Variants in UFSP2 observed in about 807,000 individuals in gnomAD.
The protein encoded by UFSP2 is UFM1 specific peptidase 2.
In UFSP2, 43 loss-of-function variants were observed where a neutral mutation model predicts 60.2. The ratio of observed to expected loss-of-function variants is 0.71; its 90% CI spans 0.56 to 0.92. The LOEUF (loss-of-function observed/expected upper bound fraction) is 0.92, where lower values mean the gene tolerates loss of function less well. Ranked by LOEUF, UFSP2 falls within the 40% of genes least tolerant of loss-of-function variation. The pLI is 0.00. For missense variants in UFSP2, 520 were observed against 575.0 expected (o/e 0.90, Z 0.98); for synonymous variants, 183 against 195.1 (o/e 0.94, Z 0.52).
chr4:185,407,958 T>A lies in UFSP2; in HGVS notation c.1099A>T (p.Thr367Ser), dbSNP rs747994299. Residue 367 changes from threonine (T) to serine (S), a missense_variant, in exon 9 of 12, where the codon ACG becomes TCG. Physicochemically the swap from Thr to Ser is moderately conservative, Grantham distance 58. Coordinates refer to ENST00000264689, the MANE Select transcript of UFSP2 (RefSeq NM_018359.5). ...TACCTGACAAACAGGATTTTTGACG[T>A]TATACCGATCAATTGGTTTAGTACC... ...QLVLNQLIGI[T>S]SKILFVSQGS... 1 of 1,614,174 alleles carries A rather than the reference T, an allele frequency of 6.2e-7. No homozygotes were observed. Among genetic ancestry groups the A allele is most frequent in the Non-Finnish European group, 8.5e-7 (1 of 1,180,026 alleles).
At chr4:185,408,891 A>T (rs532585551) in intron 7 of UFSP2, among the ~76,000 whole-genome samples, 13 of 150,950 alleles carry the variant, frequency 8.6e-5, no homozygotes, top group Non-Finnish European at 1.5e-4. Flanking sequence ...TCACTACCCC[A>T]CCCCCTGCCT....
chr4:185,418,316 A>C (rs1161882461), intron 4 of UFSP2, 125 bp downstream of exon 4: 9 of 693,390 alleles, frequency 1.3e-5, no homozygotes, highest in Non-Finnish European at 2.1e-5. Flanking sequence ...CAAGTCATTT[A>C]ATCTTTTTGG....
intron 5 of UFSP2, 134 bp downstream of exon 5, chr4:185,415,572 TTTAA>T (rs1580070255): frequency 1.2e-6 from 1 of 863,576 alleles, no homozygotes; most frequent in East Asian, 2.8e-5. Flanking sequence ...CAAATAACCA[TTTAA>T]TTAATAGATG....
In UFSP2 at chr4:185,408,017, G is replaced by T. The variant is rs150505755; in HGVS notation, c.1040C>A (p.Ser347Ter). The T allele has an allele frequency of 1.2e-6, 2 of 1,613,874 alleles. No homozygotes were observed. Among genetic ancestry groups the T allele is most frequent in the Middle Eastern group, 1.6e-4 (1 of 6,062 alleles). ...AGDKPATFVG[S>*]RQWIGSIEVQ... The stretch of plus-strand genomic sequence containing the variant: ...CTCAATAGATCCAATCCATTGCCGC[G>T]ATCCGACAAATGTTGCTGGTTTGTC... The change falls in exon 9 of 12, where the codon TCG becomes TAG. Residue 347 changes from serine (S) to a stop codon, truncating the protein, a stop_gained. Transcript: ENST00000264689. LOFTEE classifies it high-confidence loss of function.
At chr4:185,403,315 T>C (rs1274803384) in intron 11 of UFSP2, among the ~76,000 whole-genome samples, 179 bp downstream of exon 11, 4 of 152,248 alleles carry the variant, frequency 2.6e-5, no homozygotes, top group African/African-American at 9.6e-5. Flanking sequence ...TCTTTTGCAA[T>C]GTGCTTTGTT....
intron 7 of UFSP2, among the ~76,000 whole-genome samples, chr4:185,411,386 G>T (rs1218581569): frequency 1.3e-5 from 2 of 151,806 alleles, no homozygotes; most frequent in African/African-American, 2.4e-5. Flanking sequence ...ACTAAAAAAG[G>T]AACATTAACC....
At chr4:185,418,161 C>A (rs1052115119) in intron 4 of UFSP2, among the ~76,000 whole-genome samples, 1 of 151,738 alleles carries the variant, frequency 6.6e-6, no homozygotes, top group Non-Finnish European at 1.5e-5. Flanking sequence ...ATTCAGAATG[C>A]GATTTAATTT....
At chr4:185,412,858 T>C (rs549795324) in intron 7 of UFSP2, among the ~76,000 whole-genome samples, 2 of 152,268 alleles carry the variant, frequency 1.3e-5, no homozygotes, top group South Asian at 4.1e-4. Flanking sequence ...GGATGCCTTA[T>C]AAGGTCCTTT....
In UFSP2 at chr4:185,400,194, G is replaced by A; in HGVS notation, c.*198C>T. The A allele has an allele frequency of 2.9e-6, 2 of 699,706 alleles. No individual in the cohort carries two copies. The highest frequency in any genetic ancestry group is 4.7e-6 in the Non-Finnish European group (2 of 425,148). 43.3% of individuals were successfully genotyped at this position (699,706 alleles called of 1,614,324 possible). A position where few individuals can be genotyped will look rare whatever the true frequency, so the allele number is the denominator to read the frequency against. Reference sequence around the variant, plus strand: ...TGTATTTACATGCCTATAATATGCTGGTTGTGTATGCTTTGTCTTTTAAGT... The same window carrying A: ...TGTATTTACATGCCTATAATATGCTAGTTGTGTATGCTTTGTCTTTTAAGT... On this transcript the variant is annotated 3_prime_UTR_variant, in exon 12 of 12. Transcript: ENST00000264689.
rs751602207 is a variant in UFSP2 at position 185,400,014 on chromosome 4, CAG to C, written c.*376_*377del. 2.4e-5 allele frequency: 39 copies of C among 1,601,898 alleles called. 1 individual carries two copies. In the South Asian group the frequency reaches 4.0e-4, roughly 16 times the overall value. On this transcript the variant is annotated 3_prime_UTR_variant, in exon 12 of 12. Coordinates refer to ENST00000264689, the MANE Select transcript of UFSP2 (RefSeq NM_018359.5). The stretch of plus-strand genomic sequence containing the variant: ...TTTAATGTTAACGTGTTTTTAAAAA[CAG>C]ATGTCACGTGGGTTATGAAGAAGTC...
intron 11 of UFSP2, among the ~76,000 whole-genome samples, chr4:185,402,620 C>T (rs902239129): frequency 2.6e-5 from 4 of 152,030 alleles, no homozygotes; most frequent in Admixed American, 6.6e-5. Context: ...AGATTATAGG[C>T]GCCCACCACC....
In UFSP2 at chr4:185,402,896, T is replaced by C. The variant is rs192578767; in HGVS notation, c.1323+598A>G. ...TATAAATGTTACTTAAAATTCAAGT[T>C]AATTATGTTTTACAATACTTTCTCC... is the stretch of plus-strand genomic sequence containing the variant. On this transcript the variant is annotated intron_variant, in intron 11 of 11. Transcript: ENST00000264689. 6.2e-3 allele frequency among the ~76,000 whole-genome samples: 941 copies of C among 152,374 alleles called. 1 individual carries two copies. Among genetic ancestry groups the C allele is most frequent in the Middle Eastern group, 0.017 (5 of 292 alleles).
chr4:185,411,163 G>A, intron 7 of UFSP2, among the ~76,000 whole-genome samples: 1 of 148,432 alleles, frequency 6.7e-6, no homozygotes, highest in Admixed American at 6.7e-5. Flanking sequence ...ATGATATGAA[G>A]AATGAAAAAG....
intron 10 of UFSP2, among the ~76,000 whole-genome samples, chr4:185,403,974 AAAACAAAAAAAAAC>A (rs943687613): frequency 6.7e-6 from 1 of 149,738 alleles, no homozygotes; most frequent in Non-Finnish European, 1.5e-5. Flanking sequence ...CTCAAAAAAA[AAAACAAAAAAAAAC>A]AACATTACTT....
intron 4 of UFSP2, among the ~76,000 whole-genome samples, chr4:185,417,363 T>C (rs2095540547): frequency 6.6e-6 from 1 of 152,230 alleles, no homozygotes; most frequent in Non-Finnish European, 1.5e-5. Context: ...TCTGTAAATC[T>C]AACAGCTCAT....
In UFSP2 at chr4:185,399,825, G is replaced by C; in HGVS notation, c.*567C>G. ...TTCCTCCCGCAGTGATCTCTTGTTT[G>C]CATAGCATTTATTATTCCATTTAAT... On this transcript the variant is annotated 3_prime_UTR_variant, in exon 12 of 12. Transcript: ENST00000264689. The C allele has an allele frequency of 6.2e-7, 1 of 1,607,154 alleles. No homozygotes were observed. Among genetic ancestry groups the C allele is most frequent in the Non-Finnish European group, 8.5e-7 (1 of 1,176,162 alleles).
chr4:185,413,908 T>C (rs972727617), intron 6 of UFSP2, 36 bp from the exon 7 acceptor site: 1 of 1,549,110 alleles, frequency 6.5e-7, no homozygotes, highest in Non-Finnish European at 8.7e-7. Context: ...AAAGAAAAAA[T>C]GTTGGTGATT....
chr4:185,425,178 G>C (rs1426370152), intron 1 of UFSP2, among the ~76,000 whole-genome samples: 2 of 152,160 alleles, frequency 1.3e-5, no homozygotes, highest in African/African-American at 4.8e-5. Context: ...AGATGTCAAG[G>C]ATGATTTCCA....
intron 11 of UFSP2, chr4:185,402,277 T>G (rs907352030): frequency 4.4e-6 from 2 of 454,462 alleles, no homozygotes; most frequent in Admixed American, 4.8e-5. Flanking sequence ...AACAAGAATA[T>G]TGCTACTATA....
Sources: allele counts gnomAD v4.1 joint callset (sites outside exome capture counted in the v4.1 genomes callset), GRCh38; gene constraint gnomAD v4.1.1; transcripts MANE v1.5; gene names NCBI Gene and HGNC (gene_info 2026-07-23, HGNC 2026-07-21).